The following M1AP variants were observed in gnomAD, a reference collection of about 807,000 sequenced individuals.
M1AP encodes the protein meiosis 1 arrest protein.
A neutral mutation model predicts 51.2 loss-of-function variants in M1AP; 39 were observed. The ratio of observed to expected loss-of-function variants is 0.76; its 90% confidence interval spans 0.59 to 1.00. The LOEUF (loss-of-function observed/expected upper bound fraction) is 1.00. Ranked by LOEUF, M1AP falls within the 50% of genes least tolerant of loss-of-function variation. M1AP has a pLI of 0.00. For synonymous variants in M1AP, 251 were observed against 249.2 expected (o/e 1.01, Z -0.07); for missense variants, 545 against 641.2 (o/e 0.85, Z 1.62).
chr2:74,567,938 A>T (rs965521886), intron 7 of M1AP, among the ~76,000 whole-genome samples: 3 of 152,266 alleles, frequency 2.0e-5, no homozygotes, highest in Admixed American at 2.0e-4. Flanking sequence ...GAAGACAGAA[A>T]CAATTTTCAA....
intron 7 of M1AP, among the ~76,000 whole-genome samples, chr2:74,574,940 T>G (rs1347310350): frequency 6.6e-6 from 1 of 152,242 alleles, no homozygotes; most frequent in Admixed American, 6.5e-5. Context: ...AGCAGCTTTT[T>G]CTTTTCCTTT....
chr2:74,584,660 G>C (rs533036221), intron 4 of M1AP, among the ~76,000 whole-genome samples: 1 of 151,240 alleles, frequency 6.6e-6, no homozygotes, highest in African/African-American at 2.4e-5. Flanking sequence ...CAAGAATCTG[G>C]AAGTAAGGAA....
intron 3 of M1AP, among the ~76,000 whole-genome samples, chr2:74,608,294 A>G (rs2104708236): frequency 6.6e-6 from 1 of 152,212 alleles, no homozygotes; most frequent in South Asian, 2.1e-4. Flanking sequence ...CTATATCACC[A>G]TAGTTTTGCC....
chr2:74,647,211 GC>G, intron 1 of M1AP: 1 of 985,072 alleles, frequency 1.0e-6, no homozygotes, highest in Non-Finnish European at 1.2e-6. Context: ...TTCTGCTTGT[GC>G]CTTCTGCCCA....
chr2:74,642,398 C>A (rs1683347673), intron 1 of M1AP, among the ~76,000 whole-genome samples: 1 of 152,024 alleles, frequency 6.6e-6, no homozygotes, highest in Non-Finnish European at 1.5e-5. Context: ...TATGATCATC[C>A]CAATAGACGC....
At chr2:74,622,543 C>CTTTTTTT (rs534273779) in intron 2 of M1AP, among the ~76,000 whole-genome samples, 4 of 117,312 alleles carry the variant, frequency 3.4e-5, no homozygotes, top group East Asian at 2.5e-4. Context: ...CCATTGCCTG[C>CTTTTTTT]TTTTTTTTTT....
intron 2 of M1AP, among the ~76,000 whole-genome samples, chr2:74,637,761 G>T (rs1407348738): frequency 6.6e-6 from 1 of 152,172 alleles, no homozygotes; most frequent in Non-Finnish European, 1.5e-5. Context: ...TATTCCAGTT[G>T]TGAGTATCAG....
intron 4 of M1AP, among the ~76,000 whole-genome samples, chr2:74,582,722 T>C (rs1293637189): frequency 1.3e-5 from 2 of 152,144 alleles, no homozygotes; most frequent in Admixed American, 6.5e-5. Context: ...GCATTTCTTG[T>C]GTTAAAAAAA....
intron 4 of M1AP, among the ~76,000 whole-genome samples, chr2:74,606,725 T>G (rs945643136): frequency 1.3e-4 from 20 of 152,060 alleles, no homozygotes; most frequent in African/African-American, 4.6e-4. Flanking sequence ...TAGGATATAT[T>G]GTTTCTGAAA....
intron 1 of M1AP, 73 bp from the exon 2 acceptor site, chr2:74,640,400 A>T (rs1303849932): frequency 7.8e-7 from 1 of 1,274,614 alleles, no homozygotes; most frequent in East Asian, 2.4e-5. Context: ...ATAAAATACA[A>T]GTCGAGGGAA....
chr2:74,646,466 G>A (rs1391990157), intron 1 of M1AP, among the ~76,000 whole-genome samples: 1 of 152,110 alleles, frequency 6.6e-6, no homozygotes, highest in Non-Finnish European at 1.5e-5. Flanking sequence ...AAGTCATTGT[G>A]ATGAAAAGGA....
chr2:74,572,237 C>T (rs575699637), intron 7 of M1AP, among the ~76,000 whole-genome samples: 4 of 152,302 alleles, frequency 2.6e-5, no homozygotes, highest in African/African-American at 9.6e-5. Context: ...ATTTATCTGG[C>T]TACATCCAGA....
intron 2 of M1AP, chr2:74,628,786 GAAGA>G (rs1682544239): frequency 5.9e-6 from 3 of 506,912 alleles, no homozygotes; most frequent in Non-Finnish European, 1.2e-5. Context: ...AACTCACAGA[GAAGA>G]TAGACAATGA....
intron 2 of M1AP, among the ~76,000 whole-genome samples, chr2:74,616,710 A>G (rs961112453): frequency 1.3e-5 from 2 of 152,220 alleles, no homozygotes; most frequent in African/African-American, 4.8e-5. Flanking sequence ...ATTATCATTC[A>G]TATACAATTT....
chr2:74,618,986 C>T (rs1681846526), intron 2 of M1AP: 1 of 531,588 alleles, frequency 1.9e-6, no homozygotes, highest in Non-Finnish European at 3.8e-6. Context: ...ACCATGGGCC[C>T]TCATCTCTGC....
chr2:74,648,034 G>A, intron 1 of M1AP: 1 of 985,562 alleles, frequency 1.0e-6, no homozygotes, highest in Non-Finnish European at 1.2e-6. Flanking sequence ...GAAGCTCCGG[G>A]CCCAGACTCC....
chr2:74,600,477 C>G (rs1364000876), intron 4 of M1AP, among the ~76,000 whole-genome samples: 1 of 152,190 alleles, frequency 6.6e-6, no homozygotes, highest in Non-Finnish European at 1.5e-5. Context: ...CTAGAATTGG[C>G]AGGTTCTCCT....
At chr2:74,609,029 TTAGCA>T (rs1681173845) in intron 3 of M1AP, among the ~76,000 whole-genome samples, 1 of 152,258 alleles carries the variant, frequency 6.6e-6, no homozygotes, top group Non-Finnish European at 1.5e-5. Context: ...ATCAGGGTAA[TTAGCA>T]TATCTATCAC....
rs1677651332 is a variant in M1AP, at chr2:74,558,397, G to T, written c.*319C>A. On this transcript the variant is annotated 3_prime_UTR_variant, in exon 11 of 11. Transcript: ENST00000421985. ...TCCACCTGCTTACACAGAGCTACAA[G>T]AAGAAATTCTGAGTTATGAATGCTC... The T allele has an allele frequency of 3.3e-6, 1 of 298,772 alleles. No homozygotes were observed. The highest frequency in any genetic ancestry group is 5.9e-5 in the Admixed American group (1 of 17,088). 18.5% of individuals were successfully genotyped at this position (298,772 alleles called of 1,614,324 possible). A position where few individuals can be genotyped will look rare whatever the true frequency, so the allele number is the denominator to read the frequency against.
Sources: gnomAD v4.1 joint callset for allele counts (sites outside exome capture counted in the v4.1 genomes callset) on GRCh38, gnomAD v4.1.1 for gene constraint, MANE v1.5 for transcripts, NCBI Gene and HGNC (gene_info 2026-07-23, HGNC 2026-07-21) for gene names.